The following DNAH11 variants were observed in gnomAD, a reference collection of about 807,000 sequenced individuals.
DNAH11 encodes dynein axonemal heavy chain 11, also known as axonemal beta dynein heavy chain 11.
DNAH11 carries 442 observed loss-of-function variants against 526.0 expected under a neutral mutation model. That is an observed-to-expected ratio of 0.84 (90% CI 0.78 to 0.91). DNAH11 has a LOEUF of 0.91. Ranked by LOEUF, DNAH11 falls within the 40% of genes least tolerant of loss-of-function variation. DNAH11 has a pLI of 0.00. For synonymous variants in DNAH11, 2,461 were observed against 1,935.9 expected (o/e 1.27, Z -7.12); for missense variants, 6,989 against 5,448.7 (o/e 1.28, Z -8.90).
At chr7:21,634,201 C>G (rs1562716764) in intron 25 of DNAH11, among the ~76,000 whole-genome samples, 1 of 152,150 alleles carries the variant, frequency 6.6e-6, no homozygotes, top group African/African-American at 2.4e-5. Context: ...AGGTGAAACA[C>G]CAGACCACAG....
chr7:21,660,402 T>C (rs951822810), intron 30 of DNAH11, among the ~76,000 whole-genome samples: 13 of 151,768 alleles, frequency 8.6e-5, no homozygotes, highest in African/African-American at 3.1e-4. Context: ...TTTTACTCTG[T>C]TTTTTTTCTA....
At chr7:21,727,215 G>A (rs1192312454) in intron 45 of DNAH11, among the ~76,000 whole-genome samples, 1 of 151,670 alleles carries the variant, frequency 6.6e-6, no homozygotes, top group African/African-American at 2.4e-5. Context: ...TTACAGGCGT[G>A]AGCCACCGTG....
intron 70 of DNAH11, among the ~76,000 whole-genome samples, chr7:21,865,053 C>G (rs985542212): frequency 6.6e-6 from 1 of 151,830 alleles, no homozygotes; most frequent in African/African-American, 2.4e-5. Context: ...TAAATTACAC[C>G]ACAGTGGAGT....
At position 21,869,045 on chromosome 7, in the gene DNAH11, G is replaced by C. The variant is rs898483683; in HGVS notation, c.11967+54G>C. 3.1e-6 allele frequency: 5 copies of C among 1,608,184 alleles called. No homozygotes were observed. In the African/African-American group the frequency reaches 5.4e-5, roughly 17 times the overall value. On this transcript the variant is annotated intron_variant, in intron 73 of 81. Transcript: ENST00000409508. ...GGGCATAAACACAGAGGAGGGCCAGGGCAGAGCTGGCCCGCCCAACAGAAT... is the reference window on the plus strand; with the variant it reads ...GGGCATAAACACAGAGGAGGGCCAGCGCAGAGCTGGCCCGCCCAACAGAAT...
At chr7:21,898,560 C>G (rs954762677) in intron 79 of DNAH11, among the ~76,000 whole-genome samples, 1 of 152,222 alleles carries the variant, frequency 6.6e-6, no homozygotes, top group Non-Finnish European at 1.5e-5. Context: ...GCTATGCTCT[C>G]TACTCCATTC....
intron 46 of DNAH11, among the ~76,000 whole-genome samples, chr7:21,736,316 C>T (rs760042900): frequency 8.5e-5 from 13 of 152,100 alleles, no homozygotes; most frequent in East Asian, 1.9e-4. Context: ...AACTAATCAA[C>T]GTAATCAAAA....
chr7:21,669,409 G>A (rs1306579510), intron 30 of DNAH11, among the ~76,000 whole-genome samples: 1 of 152,134 alleles, frequency 6.6e-6, no homozygotes, highest in Non-Finnish European at 1.5e-5. Context: ...GACCTCAAAT[G>A]ATCCTCCTGC....
intron 66 of DNAH11, among the ~76,000 whole-genome samples, chr7:21,850,071 C>T (rs923463983): frequency 6.6e-6 from 1 of 150,922 alleles, no homozygotes; most frequent in Non-Finnish European, 1.5e-5. Flanking sequence ...CAAAAACATT[C>T]TTCAGCCGGG....
chr7:21,651,163 A>G (rs1292385511), intron 28 of DNAH11, among the ~76,000 whole-genome samples: 1 of 152,106 alleles, frequency 6.6e-6, no homozygotes, highest in Non-Finnish European at 1.5e-5. Context: ...TAATGAAAAC[A>G]TATGAATGAG....
chr7:21,728,401 G>A (rs7781188), intron 45 of DNAH11, among the ~76,000 whole-genome samples: 11,850 of 151,544 alleles, frequency 0.078, 824 homozygotes, highest in Admixed American at 0.16. Flanking sequence ...GGGACTACAG[G>A]CAACCCACCA....
chr7:21,715,682 G>A (rs1784631918), intron 42 of DNAH11, among the ~76,000 whole-genome samples: 1 of 151,976 alleles, frequency 6.6e-6, no homozygotes, highest in African/African-American at 2.4e-5. Flanking sequence ...GTTTGCTGAA[G>A]GTAACAGTTT....
intron 26 of DNAH11, among the ~76,000 whole-genome samples, chr7:21,636,582 TTA>T (rs1248546061): frequency 4.6e-5 from 7 of 151,976 alleles, no homozygotes; most frequent in African/African-American, 1.7e-4. Context: ...TAAAAAATTT[TTA>T]ATAATTGGCT....
intron 62 of DNAH11, among the ~76,000 whole-genome samples, chr7:21,803,464 C>G (rs149669643): frequency 6.6e-6 from 1 of 152,124 alleles, no homozygotes; most frequent in Admixed American, 6.6e-5. Context: ...AGAAAGGGAA[C>G]AATCTGTATC....
At chr7:21,544,035 A>G (rs1411593483) in intron 1 of DNAH11, among the ~76,000 whole-genome samples, 3 of 152,096 alleles carry the variant, frequency 2.0e-5, no homozygotes, top group Admixed American at 1.3e-4. Context: ...TGCCAACAAC[A>G]CTTCACCCCA....
intron 75 of DNAH11, among the ~76,000 whole-genome samples, chr7:21,883,126 C>G (rs932347197): frequency 2.0e-5 from 3 of 152,176 alleles, no homozygotes; most frequent in African/African-American, 4.8e-5. Flanking sequence ...TTCATTTATT[C>G]AAATTCAAAT....
At chr7:21,872,139 A>AAAACAAAACAAAC (rs1783525155) in intron 73 of DNAH11, among the ~76,000 whole-genome samples, 1 of 113,960 alleles carries the variant, frequency 8.8e-6, no homozygotes, top group South Asian at 2.3e-4. Context: ...AAAAAAAAAA[A>AAAACAAAACAAAC]AAAAAAAAAA....
rs752153470 is a variant in DNAH11 at position 21,711,891 on chromosome 7, A to G, written c.6983+31A>G. 1.4e-5 allele frequency: 22 copies of G among 1,570,308 alleles called. No individual in the cohort carries two copies. The Admixed American group carries it at 4.0e-4, about 28-fold the overall frequency. On this transcript the variant is annotated intron_variant, in intron 42 of 81. Transcript: ENST00000409508. Reference sequence around the variant, plus strand: ...TATTTCTTTTTGTTTTATTGTAGTAAATTGTATGTAACATAACATTTACCA... The same window carrying G: ...TATTTCTTTTTGTTTTATTGTAGTAGATTGTATGTAACATAACATTTACCA...
At chr7:21,583,804 A>T (rs1784395197) in intron 9 of DNAH11, among the ~76,000 whole-genome samples, 2 of 152,370 alleles carry the variant, frequency 1.3e-5, no homozygotes, top group Non-Finnish European at 2.9e-5. Flanking sequence ...AGAGACATTT[A>T]TGTGGCCAAG....
intron 77 of DNAH11, among the ~76,000 whole-genome samples, chr7:21,893,672 T>C (rs193173766): frequency 2.6e-5 from 4 of 152,346 alleles, no homozygotes; most frequent in African/African-American, 9.6e-5. Flanking sequence ...ATAGAATTAG[T>C]ATGCATGTCT....
Sources: allele counts gnomAD v4.1 joint callset (sites outside exome capture counted in the v4.1 genomes callset), GRCh38; gene constraint gnomAD v4.1.1; transcripts MANE v1.5; gene names NCBI Gene and HGNC (gene_info 2026-07-23, HGNC 2026-07-21).